GABRB1: variants seen among roughly 807,000 people sequenced by gnomAD.
GABRB1 encodes the protein gamma-aminobutyric acid receptor subunit beta-1.
GABRB1 carries 17 observed loss-of-function variants against 51.6 expected under a neutral mutation model. The observed-to-expected ratio is 0.33, with a 90% CI of 0.23 to 0.49. The LOEUF (loss-of-function observed/expected upper bound fraction) is 0.49, where lower values mean the gene tolerates loss of function less well. Ranked by LOEUF, GABRB1 falls within the 20% of genes least tolerant of loss-of-function variation. The probability of loss-of-function intolerance (pLI) is 0.99; values close to 1 mark genes in which losing one functional copy is unlikely to be tolerated. For synonymous variants in GABRB1, 247 were observed against 218.9 expected (o/e 1.13, Z -1.14); for missense variants, 410 against 600.6 (o/e 0.68, Z 3.32).
chr4:47,268,823 T>C (rs1387937069), intron 4 of GABRB1, among the ~76,000 whole-genome samples: 1 of 152,180 alleles, frequency 6.6e-6, no homozygotes, highest in Non-Finnish European at 1.5e-5. Flanking sequence ...TTGGACATAA[T>C]GTGATTGACT....
At chr4:47,222,385 T>C (rs973728581) in intron 4 of GABRB1, among the ~76,000 whole-genome samples, 2 of 152,168 alleles carry the variant, frequency 1.3e-5, no homozygotes, top group Non-Finnish European at 2.9e-5. Flanking sequence ...TATCCTTGTG[T>C]AATCCCCTCC....
At chr4:47,232,758 T>TA (rs1315840168) in intron 4 of GABRB1, among the ~76,000 whole-genome samples, 3 of 152,152 alleles carry the variant, frequency 2.0e-5, no homozygotes, top group African/African-American at 7.2e-5. Context: ...CTGCCTCACA[T>TA]AGTTTATCCA....
At chr4:47,128,058 G>T (rs930542694) in intron 3 of GABRB1, among the ~76,000 whole-genome samples, 5 of 151,652 alleles carry the variant, frequency 3.3e-5, no homozygotes, top group Admixed American at 2.6e-4. Flanking sequence ...ATATTCCAGT[G>T]AAAAGGCAGA....
chr4:47,271,513 T>C (rs1314439857), intron 4 of GABRB1, among the ~76,000 whole-genome samples: 2 of 152,172 alleles, frequency 1.3e-5, no homozygotes, highest in Non-Finnish European at 2.9e-5. Context: ...ATATGGGGCA[T>C]CTCTTTCCCT....
chr4:47,412,589 T>C (rs1490972607), intron 8 of GABRB1, among the ~76,000 whole-genome samples: 2 of 152,166 alleles, frequency 1.3e-5, no homozygotes, highest in African/African-American at 2.4e-5. Flanking sequence ...GATTTTGAAA[T>C]GGCACTGTTC....
chr4:47,091,049 C>T (rs1026861878), intron 3 of GABRB1, among the ~76,000 whole-genome samples: 1 of 151,958 alleles, frequency 6.6e-6, no homozygotes, highest in Non-Finnish European at 1.5e-5. Context: ...CCATCCCACC[C>T]CTTCCCCCAC....
chr4:47,089,711 T>C (rs1280658984), intron 3 of GABRB1, among the ~76,000 whole-genome samples: 8 of 152,196 alleles, frequency 5.3e-5, no homozygotes, highest in African/African-American at 1.9e-4. Context: ...TAATAAATGA[T>C]CAGATTTATG....
intron 4 of GABRB1, among the ~76,000 whole-genome samples, chr4:47,233,469 C>T (rs1431725254): frequency 1.3e-5 from 2 of 152,052 alleles, no homozygotes; most frequent in Non-Finnish European, 2.9e-5. Context: ...ACTTTTATAA[C>T]TTCTCTCATA....
intron 1 of GABRB1, among the ~76,000 whole-genome samples, chr4:47,003,134 C>G (rs1215001763): frequency 6.6e-6 from 1 of 152,176 alleles, no homozygotes; most frequent in Non-Finnish European, 1.5e-5. Flanking sequence ...TTGTCTGAAT[C>G]TACTAAAGCT....
chr4:47,391,660 A>T (rs1367890978), intron 5 of GABRB1, among the ~76,000 whole-genome samples: 1 of 152,248 alleles, frequency 6.6e-6, no homozygotes, highest in Non-Finnish European at 1.5e-5. Context: ...CTTACCTGTA[A>T]GGCCTCTGTG....
chr4:47,146,591 G>T (rs148911955), intron 3 of GABRB1, among the ~76,000 whole-genome samples: 32 of 151,982 alleles, frequency 2.1e-4, no homozygotes, highest in African/African-American at 7.7e-4. Context: ...AATTAATAGC[G>T]TAATAATCTC....
chr4:47,203,712 A>G (rs1719987856), intron 4 of GABRB1, among the ~76,000 whole-genome samples: 1 of 152,056 alleles, frequency 6.6e-6, no homozygotes, highest in South Asian at 2.1e-4. Flanking sequence ...CAATGGTCCC[A>G]TGGGCACAAC....
chr4:47,099,316 C>G (rs1023401549), intron 3 of GABRB1, among the ~76,000 whole-genome samples: 1 of 152,062 alleles, frequency 6.6e-6, no homozygotes, highest in Non-Finnish European at 1.5e-5. Context: ...AGAATCACTG[C>G]TGTAGAGAAT....
At chr4:47,119,558 G>T (rs1715667139) in intron 3 of GABRB1, among the ~76,000 whole-genome samples, 1 of 150,128 alleles carries the variant, frequency 6.7e-6, no homozygotes, top group Non-Finnish European at 1.5e-5. Context: ...GCCCAGGCTG[G>T]AGTGCAATGG....
chr4:47,141,001 A>G (rs977525973), intron 3 of GABRB1, among the ~76,000 whole-genome samples: 20 of 151,942 alleles, frequency 1.3e-4, no homozygotes, highest in African/African-American at 3.6e-4. Flanking sequence ...TTTACTACCA[A>G]TGGCCCTAAA....
At chr4:47,221,809 T>C (rs1720777743) in intron 4 of GABRB1, among the ~76,000 whole-genome samples, 1 of 152,076 alleles carries the variant, frequency 6.6e-6, no homozygotes, top group Non-Finnish European at 1.5e-5. Context: ...CAATACATTT[T>C]CTTGTTTTAT....
chr4:47,301,597 G>A (rs1724264751), intron 4 of GABRB1, among the ~76,000 whole-genome samples: 1 of 147,716 alleles, frequency 6.8e-6, no homozygotes, highest in Non-Finnish European at 1.5e-5. Context: ...TCACACCATT[G>A]CACTCCAGCC....
upstream of GABRB1, among the ~76,000 whole-genome samples, chr4:47,029,785 T>C (rs940064498): frequency 6.6e-6 from 1 of 152,120 alleles, no homozygotes; most frequent in African/African-American, 2.4e-5. Flanking sequence ...CAACATTTAT[T>C]GAGTAGCTCA....
chr4:47,092,165 CTTTTTT>C (rs869057256), intron 3 of GABRB1, among the ~76,000 whole-genome samples: 2 of 60,510 alleles, frequency 3.3e-5, no homozygotes, highest in Admixed American at 4.2e-4. Context: ...TTCTTTCTTT[CTTTTTT>C]TTTTTTTTTT....
Sources: allele counts gnomAD v4.1 joint callset (sites outside exome capture counted in the v4.1 genomes callset), GRCh38; gene constraint gnomAD v4.1.1; transcripts MANE v1.5; gene names NCBI Gene and HGNC (gene_info 2026-07-23, HGNC 2026-07-21).